MBTD1: variants seen among roughly 807,000 people sequenced by gnomAD.
MBTD1 encodes the protein mbt domain containing 1.
In MBTD1, 24 loss-of-function variants were observed where a neutral mutation model predicts 87.8. The observed-to-expected ratio is 0.27, with a 90% confidence interval of 0.20 to 0.38. The LOEUF is 0.38. MBTD1 is among the 10% of genes least tolerant of loss of function. The pLI, the probability that MBTD1 is intolerant of heterozygous loss-of-function variation, is 1.00. For missense variants in MBTD1, 436 were observed against 760.2 expected, an observed-to-expected ratio of 0.57 and a Z score of 5.02; for synonymous variants, 237 against 248.6, an observed-to-expected ratio of 0.95 and a Z score of 0.44.
At chr17:51,200,559 C>CAAAAAAA (rs34253360) in intron 12 of MBTD1, among the ~76,000 whole-genome samples, 3 of 62,282 alleles carry the variant, frequency 4.8e-5, no homozygotes, top group East Asian at 4.9e-4. Flanking sequence ...GATACCATCT[C>CAAAAAAA]AAAAAAAAAA....
At chr17:51,219,085 C>T in intron 4 of MBTD1, 41 bp from the exon 5 acceptor site, 1 of 977,602 alleles carries the variant, frequency 1.0e-6, no homozygotes, top group South Asian at 1.4e-5. Context: ...TCTTTTTCAT[C>T]CCCTCACCAC....
chr17:51,224,894 C>A lies in MBTD1; in HGVS notation c.154+114G>T, dbSNP rs181342125. On this transcript the variant is annotated intron_variant, in intron 3 of 16. Transcript: ENST00000586178. Reference sequence around the variant, plus strand: ...TCTTATCTCGAATTATAAACGTCAGCTCTTCAAACTGCCCCTTAATAATTC... The same window carrying A: ...TCTTATCTCGAATTATAAACGTCAGATCTTCAAACTGCCCCTTAATAATTC... The A allele has an allele frequency of 5.4e-6, 3 of 558,414 alleles. No homozygotes were observed. In the East Asian group the frequency reaches 1.0e-4, roughly 19 times the overall value. The allele number at this position is 558,414 out of a possible 1,614,324, so 34.6% of individuals were successfully genotyped here. A position where few individuals can be genotyped will look rare whatever the true frequency, so the allele number is the denominator to read the frequency against.
At chr17:51,185,125 G>A (rs1412977946) in intron 16 of MBTD1, 1 of 152,162 alleles carries the variant, frequency 6.6e-6, no homozygotes, top group African/African-American at 2.4e-5. Flanking sequence ...AAAAATATTA[G>A]CAAACAGAAG....
chr17:51,227,211 C>T (rs1331577287), intron 2 of MBTD1, among the ~76,000 whole-genome samples: 1 of 145,624 alleles, frequency 6.9e-6, no homozygotes, highest in East Asian at 2.0e-4. Flanking sequence ...CACTGCATTC[C>T]AGCCTGGGTG....
At chr17:51,254,569 G>C (rs907774983) in intron 2 of MBTD1, among the ~76,000 whole-genome samples, 3 of 152,142 alleles carry the variant, frequency 2.0e-5, no homozygotes, top group Non-Finnish European at 4.4e-5. Flanking sequence ...GTGAACAAAA[G>C]GAAGTGATTC....
At chr17:51,247,332 T>G (rs1466188142) in intron 2 of MBTD1, among the ~76,000 whole-genome samples, 3 of 152,214 alleles carry the variant, frequency 2.0e-5, no homozygotes, top group Non-Finnish European at 4.4e-5. Flanking sequence ...ATTTTTGTAA[T>G]ATAGTGTGAG....
chr17:51,194,600 T>C (rs1224869484), intron 13 of MBTD1, among the ~76,000 whole-genome samples: 3 of 98,156 alleles, frequency 3.1e-5, no homozygotes, highest in African/African-American at 1.5e-4. Flanking sequence ...AAAGTCCACA[T>C]GGCTAAGTGT....
At chr17:51,228,754 G>A (rs1366645236) in intron 2 of MBTD1, among the ~76,000 whole-genome samples, 4 of 151,598 alleles carry the variant, frequency 2.6e-5, no homozygotes, top group East Asian at 1.9e-4. Flanking sequence ...AAAATTAGCC[G>A]GGAGCAGTGG....
intron 12 of MBTD1, among the ~76,000 whole-genome samples, chr17:51,201,289 G>A (rs967312694): frequency 7.2e-5 from 11 of 152,106 alleles, no homozygotes; most frequent in Non-Finnish European, 1.3e-4. Context: ...AGATAAACTT[G>A]GCCTTGTTAC....
At chr17:51,183,149 CTAAT>C (rs2050390276) in intron 16 of MBTD1, 1 of 143,838 alleles carries the variant, frequency 7.0e-6, no homozygotes, top group African/African-American at 2.6e-5. Context: ...ATCTTACTTG[CTAAT>C]TTAAAGAATA....
chr17:51,230,703 G>A (rs2053500607), intron 2 of MBTD1, among the ~76,000 whole-genome samples: 1 of 150,608 alleles, frequency 6.6e-6, no homozygotes, highest in Non-Finnish European at 1.5e-5. Context: ...TCGGAGGCCA[G>A]TGTGGCTGGC....
Position 51,259,192 on chromosome 17 carries a change from A to T in MBTD1, c.-98T>A. Reference sequence around the variant, plus strand: ...GGACGGCTGCTTTGGATGACCTCTAATGTCTCTTCCGACTCTGAAATGTTA... The same window carrying T: ...GGACGGCTGCTTTGGATGACCTCTATTGTCTCTTCCGACTCTGAAATGTTA... On this transcript the variant is annotated 5_prime_UTR_variant, in exon 2 of 17. Transcript: ENST00000586178. 1 of 1,153,762 alleles carries T rather than the reference A, an allele frequency of 8.7e-7. No individual in the cohort carries two copies. Among genetic ancestry groups the T allele is most frequent in the South Asian group, 4.4e-5 (1 of 22,750 alleles). The allele number at this position is 1,153,762 out of a possible 1,614,324, so 71.5% of individuals were successfully genotyped here.
At chr17:51,260,535 T>A (rs751389351), upstream of MBTD1, 2 of 1,557,866 alleles carry the variant, frequency 1.3e-6, no homozygotes, top group Non-Finnish European at 1.7e-6. Context: ...CCTGGGCGCA[T>A]GCGCAGCGAG....
chr17:51,202,155 TCA>T, intron 10 of MBTD1, 78 bp from the exon 11 acceptor site: 1 of 809,188 alleles, frequency 1.2e-6, no homozygotes, highest in Non-Finnish European at 2.2e-6. Context: ...GGCTTCAAAC[TCA>T]CAAAGTATGT....
chr17:51,246,452 T>C (rs573052916), intron 2 of MBTD1, among the ~76,000 whole-genome samples: 2 of 152,334 alleles, frequency 1.3e-5, no homozygotes, highest in South Asian at 2.1e-4. Context: ...GTTGTTGCTA[T>C]TGTAATCTTC....
chr17:51,232,830 G>A (rs753277838), intron 2 of MBTD1, among the ~76,000 whole-genome samples: 6 of 151,870 alleles, frequency 4.0e-5, no homozygotes, highest in Non-Finnish European at 7.4e-5. Flanking sequence ...TTGAGGCCAG[G>A]AGTTCGAGAC....
At chr17:51,201,528 CTTCT>C (rs748102057) in intron 12 of MBTD1, 60 bp downstream of exon 12, 4 of 992,932 alleles carry the variant, frequency 4.0e-6, no homozygotes, top group East Asian at 4.9e-5. Flanking sequence ...TTGGGGACTC[CTTCT>C]ATTAGCTTAT....
At chr17:51,180,829 A>G in intron 16 of MBTD1, 135 bp from the exon 17 acceptor site, 1 of 656,688 alleles carries the variant, frequency 1.5e-6, no homozygotes, top group Non-Finnish European at 2.7e-6. Flanking sequence ...ATTTTCCAGT[A>G]TATTAGCAGT....
At chr17:51,188,022 T>C (rs1568147028) in intron 16 of MBTD1, among the ~76,000 whole-genome samples, 1 of 152,178 alleles carries the variant, frequency 6.6e-6, no homozygotes, top group African/African-American at 2.4e-5. Flanking sequence ...TATTCCTATG[T>C]AAAATGATGT....
Sources: gnomAD v4.1 joint callset for allele counts (sites outside exome capture counted in the v4.1 genomes callset) on GRCh38, gnomAD v4.1.1 for gene constraint, MANE v1.5 for transcripts, NCBI Gene and HGNC (gene_info 2026-07-23, HGNC 2026-07-21) for gene names.